The following ADAMTSL1 variants were observed in gnomAD, a reference collection of about 807,000 sequenced individuals.
ADAMTSL1 encodes ADAMTS-like protein 1.
Under a neutral mutation model 201.8 loss-of-function variants are expected in ADAMTSL1, and 126 were observed. The ratio of observed to expected loss-of-function variants is 0.62; its 90% CI spans 0.54 to 0.72. ADAMTSL1 has a LOEUF of 0.72. Ranked by LOEUF, ADAMTSL1 falls within the 30% of genes least tolerant of loss-of-function variation. The pLI, the probability that ADAMTSL1 is intolerant of heterozygous loss-of-function variation, is 0.00. For missense variants in ADAMTSL1, 2,679 were observed against 2,277.8 expected (o/e 1.18, Z -3.59); for synonymous variants, 1,121 against 903.4 (o/e 1.24, Z -4.32).
At chr9:18,684,928 C>G (rs1830732470) in intron 13 of ADAMTSL1, 128 bp downstream of exon 13, 1 of 1,396,454 alleles carries the variant, frequency 7.2e-7, no homozygotes, top group Admixed American at 3.1e-5. Context: ...CTTTTTGGCT[C>G]TCAAATTAAA....
chr9:18,680,569 C>CTCA (rs774071838), intron 11 of ADAMTSL1, 53 bp downstream of exon 11: 2 of 1,590,700 alleles, frequency 1.3e-6, no homozygotes, highest in Non-Finnish European at 1.7e-6. Flanking sequence ...ACTCTTCCCT[C>CTCA]TCATCATCAT....
Position 18,282,275 on chromosome 9 carries a change from G to GGTT in ADAMTSL1, c.207+118295_207+118297dup, listed in dbSNP as rs539968609. ...TTTTTATGGCTGGATAGTATTCCAT[G>GGTT]GTTTCTATATATCAAATTTTCTGTA... On this transcript the variant is annotated intron_variant, in intron 2 of 29. Coordinates refer to the ADAMTSL1 transcript ENST00000680146. Among the ~76,000 whole-genome samples, 364 of 152,208 alleles carry GGTT rather than the reference G, an allele frequency of 2.4e-3. 1 individual carries two copies. Among genetic ancestry groups the GGTT allele is most frequent in the African/African-American group, 8.3e-3 (344 of 41,530 alleles).
intron 1 of ADAMTSL1, among the ~76,000 whole-genome samples, chr9:18,152,930 T>A (rs1380319564): frequency 6.6e-6 from 1 of 152,066 alleles, no homozygotes; most frequent in East Asian, 1.9e-4. Flanking sequence ...GCTTTCCAGA[T>A]AACAATGATC....
rs143766877 is a variant in ADAMTSL1 at position 18,291,668 on chromosome 9, ATC to A, written c.207+127702_207+127703del. ...GACCAAAAGACAATCTCTCCCCATC[ATC>A]TCTCTCTCTCTCTCGGGTGCGCACA... On this transcript the variant is annotated intron_variant, in intron 2 of 29. Transcript: ENST00000680146. Among the ~76,000 whole-genome samples, 207 of 119,740 alleles carry A rather than the reference ATC, an allele frequency of 1.7e-3. 1 individual carries two copies. The highest frequency in any genetic ancestry group is 3.9e-3 in the African/African-American group (129 of 33,068). The allele number at this position is 119,740 out of a possible 152,430, so 78.6% of individuals were successfully genotyped here.
intron 23 of ADAMTSL1, among the ~76,000 whole-genome samples, chr9:18,861,642 G>T (rs1239693849): frequency 6.6e-6 from 1 of 152,212 alleles, no homozygotes; most frequent in Non-Finnish European, 1.5e-5. Context: ...TCACACTGAT[G>T]CTGTGACGTT....
At chr9:18,595,216 G>A (rs1480273599) in intron 4 of ADAMTSL1, among the ~76,000 whole-genome samples, 1 of 152,202 alleles carries the variant, frequency 6.6e-6, no homozygotes, top group Non-Finnish European at 1.5e-5. Flanking sequence ...TTGCCTGTAG[G>A]CCTCTGCCCA....
At chr9:18,441,807 T>G (rs992747230) in intron 2 of ADAMTSL1, among the ~76,000 whole-genome samples, 1 of 152,180 alleles carries the variant, frequency 6.6e-6, no homozygotes, top group Admixed American at 6.5e-5. Flanking sequence ...TTTCTCCAAA[T>G]GGTTGAGAGA....
In ADAMTSL1 at chr9:18,556,010, T is replaced by C. The variant is rs182231752; in HGVS notation, c.238-18020T>C. On this transcript the variant is annotated intron_variant, in intron 3 of 28. Coordinates refer to ENST00000380548, the MANE Select transcript of ADAMTSL1 (RefSeq NM_001040272.6). Reference sequence around the variant, plus strand: ...TAAAGTATAATAAAAAAAATACATATAAAAAAAGAAAGAAGAAAACAGAGA... The same window carrying C: ...TAAAGTATAATAAAAAAAATACATACAAAAAAAGAAAGAAGAAAACAGAGA... Among the ~76,000 whole-genome samples, 55 of 151,588 alleles carry C rather than the reference T, an allele frequency of 3.6e-4. 1 individual carries two copies. In the East Asian group the frequency reaches 9.9e-3, roughly 27 times the overall value.
At position 18,659,230 on chromosome 9, in the gene ADAMTSL1, A is replaced by G. The variant is rs189434786; in HGVS notation, c.946+1480A>G. Among the ~76,000 whole-genome samples, 3 of 152,316 alleles carry G rather than the reference A, an allele frequency of 2.0e-5. No individual in the cohort carries two copies. The East Asian group carries it at 5.8e-4, about 29-fold the overall frequency. ...AAAATGGAGACAAATGATTACCCAT[A>G]AATTTTTGGAAAACATTGTATGATG... On this transcript the variant is annotated intron_variant, in intron 8 of 28. Transcript: ENST00000380548.
At chr9:18,723,430 C>T in intron 15 of ADAMTSL1, 1 of 309,074 alleles carries the variant, frequency 3.2e-6, no homozygotes, top group South Asian at 4.0e-5. Flanking sequence ...ACTCGTGGTC[C>T]CTAAACCCTT....
intron 23 of ADAMTSL1, among the ~76,000 whole-genome samples, chr9:18,854,025 C>G (rs925179089): frequency 3.3e-5 from 5 of 152,076 alleles, no homozygotes; most frequent in Non-Finnish European, 7.4e-5. Context: ...TAATCTTTCA[C>G]CTTTTCATGT....
intron 4 of ADAMTSL1, among the ~76,000 whole-genome samples, chr9:18,585,494 C>T (rs149209590): frequency 4.2e-4 from 64 of 152,076 alleles, no homozygotes; most frequent in African/African-American, 1.5e-3. Flanking sequence ...AACTTTATTT[C>T]CATTTTATAA....
chr9:18,077,536 G>A (rs1823287615), intron 1 of ADAMTSL1, among the ~76,000 whole-genome samples: 1 of 152,174 alleles, frequency 6.6e-6, no homozygotes, highest in Non-Finnish European at 1.5e-5. Context: ...AGGCCCCTTG[G>A]ATTTAACAAG....
At chr9:18,783,967 T>C (rs1019991208) in intron 19 of ADAMTSL1, among the ~76,000 whole-genome samples, 2 of 152,220 alleles carry the variant, frequency 1.3e-5, no homozygotes, top group African/African-American at 4.8e-5. Flanking sequence ...GTTTCATGGC[T>C]TGTCATCACT....
intron 2 of ADAMTSL1, among the ~76,000 whole-genome samples, chr9:18,379,449 G>C (rs1412710448): frequency 6.6e-6 from 1 of 152,114 alleles, no homozygotes; most frequent in Non-Finnish European, 1.5e-5. Flanking sequence ...AAAATCCACT[G>C]TTTTTGCTAT....
chr9:18,576,812 T>C (rs959459656), intron 4 of ADAMTSL1, among the ~76,000 whole-genome samples: 3 of 152,140 alleles, frequency 2.0e-5, no homozygotes, highest in African/African-American at 7.2e-5. Context: ...GTGACTACCG[T>C]ATCTAGGTAC....
intron 2 of ADAMTSL1, among the ~76,000 whole-genome samples, chr9:18,213,537 C>A (rs910338043): frequency 1.3e-5 from 2 of 152,190 alleles, no homozygotes; most frequent in South Asian, 2.1e-4. Context: ...TGAGCTCACA[C>A]TAAAGCATAA....
chr9:18,045,726 G>GA (rs1158204715), intron 1 of ADAMTSL1, among the ~76,000 whole-genome samples: 2 of 151,382 alleles, frequency 1.3e-5, no homozygotes, highest in South Asian at 2.1e-4. Flanking sequence ...TATCTGGCTT[G>GA]AAAAAAAAGC....
chr9:18,309,757 C>G (rs574793315), intron 2 of ADAMTSL1, among the ~76,000 whole-genome samples: 54 of 152,032 alleles, frequency 3.6e-4, no homozygotes, highest in African/African-American at 1.3e-3. Context: ...GGCCATACTG[C>G]CCAAAGTAAT....
Sources: gnomAD v4.1 joint callset for allele counts (sites outside exome capture counted in the v4.1 genomes callset) on GRCh38, gnomAD v4.1.1 for gene constraint, MANE v1.5 for transcripts, NCBI Gene and HGNC (gene_info 2026-07-23, HGNC 2026-07-21) for gene names.